Variants in MYOF observed in about 807,000 individuals in gnomAD.
The protein encoded by MYOF is myoferlin, also known as fer-1-like 3, myoferlin.
In MYOF, 244 loss-of-function variants were observed where a neutral mutation model predicts 284.2. That is an observed-to-expected ratio of 0.86 (90% CI 0.77 to 0.95). The LOEUF (loss-of-function observed/expected upper bound fraction) is 0.95. MYOF is among the 40% of genes least tolerant of loss of function. The probability of loss-of-function intolerance (pLI) is 0.00; values close to 1 mark genes in which losing one functional copy is unlikely to be tolerated. For synonymous variants in MYOF, 904 were observed against 919.7 expected (o/e 0.98, Z 0.31); for missense variants, 2,496 against 2,560.6 (o/e 0.97, Z 0.54).
rs374952135 is a variant in MYOF at position 93,347,661 on chromosome 10, C to T, written c.4205G>A (p.Cys1402Tyr). 3.7e-6 allele frequency: 6 copies of T among 1,613,874 alleles called. No homozygotes were observed. Among genetic ancestry groups the T allele is most frequent in the Middle Eastern group, 3.3e-4 (2 of 5,998 alleles). Residue 1402 changes from cysteine (C) to tyrosine (Y), a missense_variant, in exon 37 of 54, where the codon TGT becomes TAT. Physicochemically the swap from Cys to Tyr is radical, Grantham distance 194 (BLOSUM62 -2). This residue lies in a region of MYOF where 2,436 missense variants were observed against 2,480.7 expected (regional missense o/e 0.98). Transcript: ENST00000359263. ...CTIERLDRFR[C>Y]DPYAGKEDIV... ...GTCCTCTTTCCCTGCATAAGGGTCA[C>T]AGCGAAAGCGGTCCAGGCGCTCGAT...
At position 93,482,213 on chromosome 10, in the gene MYOF, A is replaced by C; in HGVS notation, c.-19T>G. Reference sequence around the variant, plus strand: ...GCAGCATGGTTCTTAGCTGGTAGAAAGCAAGTTTCAGCAAACGAAGTGGAG... The same window carrying C: ...GCAGCATGGTTCTTAGCTGGTAGAACGCAAGTTTCAGCAAACGAAGTGGAG... On this transcript the variant is annotated 5_prime_UTR_variant, in exon 1 of 54. Transcript: ENST00000359263. 1 of 1,604,008 alleles carries C rather than the reference A, an allele frequency of 6.2e-7. No homozygotes were observed. The highest frequency in any genetic ancestry group is 8.5e-7 in the Non-Finnish European group (1 of 1,174,434).
In MYOF at chr10:93,474,271, G is replaced by A. The variant is rs115521785; in HGVS notation, c.88+7836C>T. ...AGTACTAATCTGCTGTTCACATTGC[G>A]GCCTAGCGGCTCCCCAATGGTTGAT... On this transcript the variant is annotated intron_variant, in intron 1 of 53. Transcript: ENST00000359263. Among the ~76,000 whole-genome samples, 659 of 152,080 alleles carry A rather than the reference G, an allele frequency of 4.3e-3. 1 individual carries two copies. Among genetic ancestry groups the A allele is most frequent in the African/African-American group, 0.015 (616 of 41,472 alleles).
chr10:93,464,049 G>GATAA (rs1225316908), intron 1 of MYOF, among the ~76,000 whole-genome samples: 4 of 152,104 alleles, frequency 2.6e-5, no homozygotes, highest in Admixed American at 2.0e-4. Context: ...TTGTAGATGT[G>GATAA]ATAAACATTT....
Position 93,395,438 on chromosome 10 carries a change from AT to A in MYOF, c.1417+703del, listed in dbSNP as rs556843498. 2.4e-4 allele frequency among the ~76,000 whole-genome samples: 37 copies of A among 152,286 alleles called. No homozygotes were observed. In the East Asian group the frequency reaches 7.0e-3, roughly 29 times the overall value. On this transcript the variant is annotated intron_variant, in intron 16 of 53. Coordinates refer to ENST00000359263, the MANE Select transcript of MYOF (RefSeq NM_013451.4). The stretch of plus-strand genomic sequence containing the variant: ...AGCCTGGGTGACAGAGCGAGACTCT[AT>A]CTCAAAAAATAAATAAGCTGCTGGT...
At chr10:93,420,434 T>C (rs1320392867) in intron 5 of MYOF, among the ~76,000 whole-genome samples, 2 of 152,128 alleles carry the variant, frequency 1.3e-5, no homozygotes, top group African/African-American at 4.8e-5. Context: ...GAAAAGAACA[T>C]CTTTGACAAC....
chr10:93,449,787 G>A (rs1292332702), intron 3 of MYOF, among the ~76,000 whole-genome samples: 1 of 152,008 alleles, frequency 6.6e-6, no homozygotes, highest in Non-Finnish European at 1.5e-5. Flanking sequence ...CACCACACCT[G>A]GCCCAGAATG....
chr10:93,350,101 G>C (rs1844436258), intron 35 of MYOF, 132 bp from the exon 36 acceptor site: 3 of 926,772 alleles, frequency 3.2e-6, no homozygotes. Flanking sequence ...TAAGCTTGTA[G>C]GTCATCCAAA....
At chr10:93,461,891 A>G (rs930783644) in intron 1 of MYOF, among the ~76,000 whole-genome samples, 1 of 152,200 alleles carries the variant, frequency 6.6e-6, no homozygotes, top group Non-Finnish European at 1.5e-5. Flanking sequence ...CTCCCAATGC[A>G]TGTTCCTGAA....
chr10:93,361,683 A>G, intron 27 of MYOF, 126 bp from the exon 28 acceptor site: 1 of 747,834 alleles, frequency 1.3e-6, no homozygotes, highest in Non-Finnish European at 2.1e-6. Flanking sequence ...CATCTTAGAG[A>G]TCCATTTCAC....
At chr10:93,441,997 AACACACACACACACAC>A (rs34488205) in intron 3 of MYOF, among the ~76,000 whole-genome samples, 38 of 133,056 alleles carry the variant, frequency 2.9e-4, no homozygotes, top group South Asian at 2.4e-3. Context: ...CCTCAACCTG[AACACACACACACACAC>A]ACACACACAC....
At chr10:93,388,113 C>G (rs1300469286) in intron 18 of MYOF, among the ~76,000 whole-genome samples, 200 bp from the exon 19 acceptor site, 1 of 150,330 alleles carries the variant, frequency 6.7e-6, no homozygotes, top group Non-Finnish European at 1.5e-5. Flanking sequence ...GGACAGATCT[C>G]AAAGAGTACC....
chr10:93,397,665 C>CT (rs1407187433), intron 13 of MYOF, among the ~76,000 whole-genome samples: 1 of 151,448 alleles, frequency 6.6e-6, no homozygotes, highest in South Asian at 2.1e-4. Flanking sequence ...TGCTTTTAAC[C>CT]TTTTTTTAAT....
intron 5 of MYOF, among the ~76,000 whole-genome samples, chr10:93,421,246 T>A (rs896862122): frequency 1.3e-5 from 2 of 152,036 alleles, no homozygotes; most frequent in African/African-American, 4.8e-5. Context: ...AGAAAGTTAA[T>A]TGAAGGGAAA....
intron 3 of MYOF, among the ~76,000 whole-genome samples, chr10:93,433,946 T>C (rs1271168599): frequency 6.6e-6 from 1 of 152,174 alleles, no homozygotes; most frequent in Non-Finnish European, 1.5e-5. Flanking sequence ...AATAAGTGCC[T>C]TCACTTTCTA....
In MYOF at chr10:93,404,150, C is replaced by T. The variant is rs544976441; in HGVS notation, c.792+7G>A. The T allele has an allele frequency of 6.2e-7, 1 of 1,614,156 alleles. No homozygotes were observed. The highest frequency in any genetic ancestry group is 2.2e-5 in the East Asian group (1 of 44,884). ...TGAGCAGTACCTTCCTACTTGCTGACCCTTACCCGGATGCTGATGATCTCA... is the reference window on the plus strand; with the variant it reads ...TGAGCAGTACCTTCCTACTTGCTGATCCTTACCCGGATGCTGATGATCTCA... On this transcript the variant is annotated splice_region_variant and intron_variant, in intron 8 of 53. Coordinates refer to ENST00000359263, the MANE Select transcript of MYOF (RefSeq NM_013451.4).
intron 45 of MYOF, among the ~76,000 whole-genome samples, chr10:93,327,990 G>C (rs937337869): frequency 6.6e-6 from 1 of 152,048 alleles, no homozygotes; most frequent in African/African-American, 2.4e-5. Flanking sequence ...GGCTGGTCTT[G>C]AACTCCTGAC....
rs750115521 is a variant in MYOF at position 93,452,059 on chromosome 10, C to T, written c.227G>A (p.Gly76Glu). The change falls in exon 3 of 54, where the codon GGA (glycine) becomes GAA (glutamate). Residue 76 changes from glycine to glutamate, a missense_variant. Coordinates refer to ENST00000359263, the MANE Select transcript of MYOF (RefSeq NM_013451.4). ...GGTGAAAACAACTTACTTATTTTGTCCAATTGTCTCAAAATCTTTCACAAT... is the reference window on the plus strand; with the variant it reads ...GGTGAAAACAACTTACTTATTTTGTTCAATTGTCTCAAAATCTTTCACAAT... ...GIIVKDFETIGQNKLIGTATV... is the reference protein window; with the variant it reads ...GIIVKDFETIEQNKLIGTATV... 6.2e-7 allele frequency: 1 copy of T among 1,610,126 alleles called. No individual in the cohort carries two copies. Among genetic ancestry groups the T allele is most frequent in the Non-Finnish European group, 8.5e-7 (1 of 1,177,636 alleles).
At chr10:93,442,426 T>C (rs1229213653) in intron 3 of MYOF, among the ~76,000 whole-genome samples, 1 of 152,106 alleles carries the variant, frequency 6.6e-6, no homozygotes, top group Non-Finnish European at 1.5e-5. Context: ...TTGCCAAGAG[T>C]CACCCAACCA....
Position 93,351,218 on chromosome 10 carries a change from C to G in MYOF, c.3900G>C (p.Val1300=), listed in dbSNP as rs1285967292. 3 of 1,614,128 alleles carry G rather than the reference C, an allele frequency of 1.9e-6. No homozygotes were observed. Among genetic ancestry groups the G allele is most frequent in the Non-Finnish European group, 2.5e-6 (3 of 1,180,032 alleles). Residue 1300 remains valine (V), a synonymous_variant, in exon 35 of 54, where the codon GTG becomes GTC. Coordinates refer to ENST00000359263, the MANE Select transcript of MYOF (RefSeq NM_013451.4). ...ATACCTCAATGGCAGTGAGCTGGAC[C>G]ACAGGCCTGATCCCCTGGGGGACCA... is the stretch of plus-strand genomic sequence containing the variant. ...LYMVPQGIRP[V]VQLTAIEILA...
Sources: allele counts gnomAD v4.1 joint callset (sites outside exome capture counted in the v4.1 genomes callset), GRCh38; gene constraint gnomAD v4.1.1; regional missense constraint gnomAD v4.1.1; transcripts MANE v1.5; gene names NCBI Gene and HGNC (gene_info 2026-07-23, HGNC 2026-07-21).